Variants in HIPK2 observed in about 807,000 individuals in gnomAD.
HIPK2 encodes homeodomain-interacting protein kinase 2.
Under a neutral mutation model 113.7 loss-of-function variants are expected in HIPK2, and 27 were observed. The observed-to-expected ratio is 0.24, with a 90% CI of 0.17 to 0.33. The LOEUF is 0.33. Ranked by LOEUF, HIPK2 falls within the 10% of genes least tolerant of loss-of-function variation. HIPK2 has a pLI of 1.00. For synonymous variants in HIPK2, 631 were observed against 642.2 expected (o/e 0.98, Z 0.26); for missense variants, 1,257 against 1,588.0 (o/e 0.79, Z 3.54).
chr7:139,627,298 CTATGTA>C (rs1296791606), intron 5 of HIPK2, among the ~76,000 whole-genome samples: 5 of 148,446 alleles, frequency 3.4e-5, no homozygotes, highest in Non-Finnish European at 3.0e-5. Context: ...ACAAAAAAGT[CTATGTA>C]TGTATGTATG....
chr7:139,576,945 C>G (rs540831902), intron 13 of HIPK2, among the ~76,000 whole-genome samples: 1 of 152,262 alleles, frequency 6.6e-6, no homozygotes, highest in South Asian at 2.1e-4. Flanking sequence ...TTACTAGCCC[C>G]CCATGTCCCT....
At chr7:139,711,735 T>A (rs1795074770) in intron 2 of HIPK2, among the ~76,000 whole-genome samples, 1 of 151,780 alleles carries the variant, frequency 6.6e-6, no homozygotes, top group Admixed American at 6.6e-5. Context: ...ACCAATTTAT[T>A]GCTTGCTCAA....
rs188090868 is a variant in HIPK2, at chr7:139,693,366, T to G, written c.1103+22566A>C. 5.9e-5 allele frequency among the ~76,000 whole-genome samples: 9 copies of G among 152,330 alleles called. No homozygotes were observed. The East Asian group carries it at 1.7e-3, about 29-fold the overall frequency. Reference sequence around the variant, plus strand: ...TTAAACTCTAAGTAGAGCACCTAAGTGCATGTCTGTGTTTGAACACATTTC... The same window carrying G: ...TTAAACTCTAAGTAGAGCACCTAAGGGCATGTCTGTGTTTGAACACATTTC... On this transcript the variant is annotated intron_variant, in intron 2 of 14. Transcript: ENST00000406875.
intron 13 of HIPK2, among the ~76,000 whole-genome samples, chr7:139,579,821 C>T (rs1798610760): frequency 6.6e-6 from 1 of 152,150 alleles, no homozygotes; most frequent in African/African-American, 2.4e-5. Context: ...GCGCCTGGGG[C>T]CCCTCCCACC....
intron 2 of HIPK2, among the ~76,000 whole-genome samples, chr7:139,695,902 TTCA>T (rs1441568627): frequency 1.2e-4 from 19 of 152,296 alleles, no homozygotes; most frequent in African/African-American, 4.6e-4. Context: ...CTAGTTCTGA[TTCA>T]TCATAGCACA....
chr7:139,587,060 A>G (rs1276338163), intron 12 of HIPK2, among the ~76,000 whole-genome samples: 1 of 152,186 alleles, frequency 6.6e-6, no homozygotes, highest in Non-Finnish European at 1.5e-5. Context: ...ATGTCACTGA[A>G]TTTACACTTA....
At position 139,733,949 on chromosome 7, in the gene HIPK2, C is replaced by T. The variant is rs369859888; in HGVS notation, c.20-16934G>A. Among the ~76,000 whole-genome samples, 37 of 152,286 alleles carry T rather than the reference C, an allele frequency of 2.4e-4. 1 individual carries two copies. Among genetic ancestry groups the T allele is most frequent in the African/African-American group, 8.9e-4 (37 of 41,554 alleles). On this transcript the variant is annotated intron_variant, in intron 1 of 14. Coordinates refer to ENST00000406875, the MANE Select transcript of HIPK2 (RefSeq NM_022740.5). ...AGAGGGTAACAAAGAGCAGAGACCC[C>T]AGCTGACCCAAGATGTGGCGCAAGT...
intron 2 of HIPK2, among the ~76,000 whole-genome samples, chr7:139,686,548 T>G (rs1585378866): frequency 6.6e-6 from 1 of 152,166 alleles, no homozygotes; most frequent in East Asian, 1.9e-4. Flanking sequence ...TGAGTTCTCA[T>G]GAGATCTGAT....
chr7:139,692,478 T>C (rs1794434878), intron 2 of HIPK2, among the ~76,000 whole-genome samples: 1 of 152,184 alleles, frequency 6.6e-6, no homozygotes, highest in African/African-American at 2.4e-5. Context: ...GCAATCCTAC[T>C]AAGGGAGCAG....
At position 139,587,914 on chromosome 7, in the gene HIPK2, G is replaced by A. The variant is rs114609120; in HGVS notation, c.2718-3850C>T. Among the ~76,000 whole-genome samples, 724 of 152,158 alleles carry A rather than the reference G, an allele frequency of 4.8e-3. 7 individuals carry two copies. The highest frequency in any genetic ancestry group is 0.015 in the African/African-American group (630 of 41,524). The stretch of plus-strand genomic sequence containing the variant: ...TAAATAAATAAAAATAGTTAGGTAC[G>A]GTGGCTGACACCTGTAATTAGCACT... On this transcript the variant is annotated intron_variant, in intron 12 of 14. Transcript: ENST00000406875.
chr7:139,670,735 CTTTCTTT>C, intron 2 of HIPK2, among the ~76,000 whole-genome samples: 1 of 76,192 alleles, frequency 1.3e-5, no homozygotes, highest in Non-Finnish European at 2.4e-5. Flanking sequence ...TTTTTCTTTT[CTTTCTTT>C]CTTTCTTTCT....
rs1305999098 is a variant in HIPK2, at chr7:139,716,408, C to T, written c.627G>A (p.Thr209=). The T allele has an allele frequency of 5.6e-6, 9 of 1,613,898 alleles. No homozygotes were observed. Among genetic ancestry groups the T allele is most frequent in the East Asian group, 2.2e-5 (1 of 44,896 alleles). The change falls in exon 2 of 15, where the codon ACG becomes ACA. Residue 209 remains threonine (T), a synonymous_variant. Transcript: ENST00000406875. This position sits in a 1 kb window ranked among gnomAD's most constrained non-coding sequence, Gnocchi z 9.3. ...TCCAGCACTTGACCACTTGCCCAAA[C>T]GTCCCTCGGCCCAAGAACTCTAAGA... is the stretch of plus-strand genomic sequence containing the variant. The part of the protein sequence containing the change: ...YEVLEFLGRG[T]FGQVVKCWKR...
chr7:139,672,026 T>C (rs1162860715), intron 2 of HIPK2, among the ~76,000 whole-genome samples: 2 of 152,246 alleles, frequency 1.3e-5, no homozygotes, highest in East Asian at 1.9e-4. Context: ...CATTATATGA[T>C]TCTAGATTTT....
rs1336806503 is a variant in HIPK2 at position 139,716,890 on chromosome 7, T to C, written c.145A>G (p.Lys49Glu). ...ATGTTCTTGCTCTGGCTATACACTT[T>C]GCTGTGGGAGCCGTACCCAGTCATG... ...WDMTGYGSHS[K>E]VYSQSKNIPL... The change falls in exon 2 of 15, where the codon AAA becomes GAA. Residue 49 changes from lysine (K) to glutamate (E), a missense_variant. Physicochemically the swap from Lys to Glu is moderately conservative, Grantham distance 56. Transcript: ENST00000406875. The surrounding 1 kb of genome is among the most constrained non-coding windows in gnomAD (Gnocchi z 9.3). 6.2e-7 allele frequency: 1 copy of C among 1,613,778 alleles called. No individual in the cohort carries two copies. Among genetic ancestry groups the C allele is most frequent in the Non-Finnish European group, 8.5e-7 (1 of 1,179,870 alleles).
intron 6 of HIPK2, among the ~76,000 whole-genome samples, chr7:139,625,316 C>T (rs1569457429): frequency 6.6e-6 from 1 of 152,232 alleles, no homozygotes; most frequent in Non-Finnish European, 1.5e-5. Flanking sequence ...TGAATGGCTG[C>T]CACTGCGTTA....
chr7:139,756,354 T>C (rs1796362660), intron 1 of HIPK2, among the ~76,000 whole-genome samples: 1 of 152,236 alleles, frequency 6.6e-6, no homozygotes, highest in Admixed American at 6.5e-5. Context: ...TCCTAAAAAG[T>C]ATATGTATTT....
At chr7:139,626,522 C>G in intron 6 of HIPK2, 79 bp downstream of exon 6, 1 of 1,493,384 alleles carries the variant, frequency 6.7e-7, no homozygotes, top group South Asian at 1.3e-5. Flanking sequence ...ACCTTATGGC[C>G]GCAAAACCTA....
At chr7:139,633,103 A>C (rs958712072) in intron 2 of HIPK2, among the ~76,000 whole-genome samples, 2 of 149,026 alleles carry the variant, frequency 1.3e-5, no homozygotes, top group African/African-American at 5.0e-5. Flanking sequence ...CTCAAAAAAA[A>C]AAAAAAAAAA....
intron 1 of HIPK2, among the ~76,000 whole-genome samples, chr7:139,763,940 T>A (rs1384093994): frequency 6.6e-6 from 1 of 152,176 alleles, no homozygotes; most frequent in Non-Finnish European, 1.5e-5. Flanking sequence ...TTTTTGCATT[T>A]TGGTGTGTTT....
Sources: gnomAD v4.1 joint callset for allele counts (sites outside exome capture counted in the v4.1 genomes callset) on GRCh38, gnomAD v4.1.1 for gene constraint, Gnocchi (gnomAD v3.1) non-coding constraint, MANE v1.5 for transcripts, NCBI Gene and HGNC (gene_info 2026-07-23, HGNC 2026-07-21) for gene names.